The following ADAMTSL1 variants were observed in gnomAD, a reference collection of about 807,000 sequenced individuals.
The protein encoded by ADAMTSL1 is ADAMTS-like protein 1.
A neutral mutation model predicts 201.8 loss-of-function variants in ADAMTSL1; 126 were observed. The ratio of observed to expected loss-of-function variants is 0.62; its 90% CI spans 0.54 to 0.72. ADAMTSL1 has a LOEUF of 0.72. ADAMTSL1 is among the 30% of genes least tolerant of loss of function. The probability of loss-of-function intolerance (pLI) is 0.00; values close to 1 mark genes in which losing one functional copy is unlikely to be tolerated. For synonymous variants in ADAMTSL1, 1,121 were observed against 903.4 expected (o/e 1.24, Z -4.32); for missense variants, 2,679 against 2,277.8 (o/e 1.18, Z -3.59).
intron 23 of ADAMTSL1, among the ~76,000 whole-genome samples, chr9:18,884,062 C>G (rs980218041): frequency 2.0e-5 from 3 of 152,110 alleles, no homozygotes; most frequent in Non-Finnish European, 4.4e-5. Context: ...AATTTTTTCA[C>G]ATATTTGCAA....
intron 1 of ADAMTSL1, among the ~76,000 whole-genome samples, chr9:17,995,738 A>T (rs1041061543): frequency 6.6e-6 from 1 of 151,854 alleles, no homozygotes; most frequent in African/African-American, 2.4e-5. Context: ...ATACATTTAT[A>T]ATTAGTATTT....
chr9:18,721,519 G>A lies in ADAMTSL1; in HGVS notation c.1877-17G>A, dbSNP rs150627866. On this transcript the variant is annotated splice_polypyrimidine_tract_variant and intron_variant, in intron 14 of 28. Transcript: ENST00000380548. ...ACCCACTTTGCACTCTGGCCTGACC[G>A]TGTGATTTGTACACAGGTGTCCAGG... The A allele has an allele frequency of 3.1e-4, 496 of 1,613,098 alleles. 2 individuals are homozygous for A. In the African/African-American group the frequency reaches 5.3e-3, roughly 17 times the overall value.
At chr9:18,355,650 C>G (rs919997862) in intron 2 of ADAMTSL1, among the ~76,000 whole-genome samples, 12 of 152,180 alleles carry the variant, frequency 7.9e-5, no homozygotes, top group African/African-American at 2.9e-4. Context: ...TTAGATTAAT[C>G]TTAGTTTCTT....
At chr9:18,708,571 G>A (rs569979094) in intron 14 of ADAMTSL1, among the ~76,000 whole-genome samples, 1 of 152,342 alleles carries the variant, frequency 6.6e-6, no homozygotes, top group African/African-American at 2.4e-5. Flanking sequence ...AGCCTGGGCA[G>A]GAGCTGAGAG....
intron 11 of ADAMTSL1, 114 bp from the exon 12 acceptor site, chr9:18,681,698 G>GT (rs66675938): frequency 0.066 from 20,898 of 317,854 alleles, 490 homozygotes; most frequent in Middle Eastern, 0.069. Context: ...GTCCTCGTGT[G>GT]GGGGGGGGGG....
intron 4 of ADAMTSL1, among the ~76,000 whole-genome samples, chr9:18,588,130 C>A (rs1823636630): frequency 6.6e-6 from 1 of 152,140 alleles, no homozygotes; most frequent in African/African-American, 2.4e-5. Flanking sequence ...TCCTCACCAG[C>A]ATTTGCTATT....
chr9:18,153,063 A>G (rs2132051441), intron 1 of ADAMTSL1, among the ~76,000 whole-genome samples: 1 of 152,114 alleles, frequency 6.6e-6, no homozygotes. Flanking sequence ...AAAAGCCGTC[A>G]TATATTTTGT....
chr9:18,673,033 A>T (rs1432027456), intron 9 of ADAMTSL1, among the ~76,000 whole-genome samples: 1 of 152,076 alleles, frequency 6.6e-6, no homozygotes, highest in African/African-American at 2.4e-5. Flanking sequence ...CCCCAAGCCA[A>T]CTGTTTCTTC....
At chr9:18,254,724 G>C (rs1831616555) in intron 2 of ADAMTSL1, among the ~76,000 whole-genome samples, 1 of 145,410 alleles carries the variant, frequency 6.9e-6, no homozygotes, top group African/African-American at 2.6e-5. Context: ...GGGAAGAAGA[G>C]AATTGTGAGT....
chr9:17,950,293 G>C (rs940669341), intron 1 of ADAMTSL1, among the ~76,000 whole-genome samples: 2 of 151,938 alleles, frequency 1.3e-5, no homozygotes, highest in African/African-American at 4.8e-5. Flanking sequence ...CAGTGCAATA[G>C]TACTAGAAAA....
chr9:18,396,653 C>A (rs1057179761), intron 2 of ADAMTSL1, among the ~76,000 whole-genome samples: 2 of 150,894 alleles, frequency 1.3e-5, no homozygotes, highest in Non-Finnish European at 3.0e-5. Context: ...AAATAGAGTA[C>A]CAGCCTTTAT....
intron 23 of ADAMTSL1, among the ~76,000 whole-genome samples, chr9:18,850,232 C>T (rs1285664177): frequency 6.6e-6 from 1 of 152,178 alleles, no homozygotes; most frequent in East Asian, 1.9e-4. Flanking sequence ...GGCCCATGTG[C>T]CCTCCCTGCC....
intron 1 of ADAMTSL1, among the ~76,000 whole-genome samples, chr9:18,068,596 G>T (rs976679770): frequency 5.3e-5 from 8 of 152,186 alleles, no homozygotes; most frequent in Non-Finnish European, 7.4e-5. Flanking sequence ...TCAACCCAGG[G>T]TTCCTAAAGG....
At position 18,626,851 on chromosome 9, in the gene ADAMTSL1, C is replaced by G. The variant is rs542686707; in HGVS notation, c.601+4482C>G. Among the ~76,000 whole-genome samples the G allele has an allele frequency of 5.3e-5, 7 of 132,700 alleles. No individual in the cohort carries two copies. The East Asian group carries it at 1.5e-3, about 28-fold the overall frequency. 87.1% of individuals were successfully genotyped at this position (132,700 alleles called of 152,430 possible). Reference sequence around the variant, plus strand: ...TTTCTTACTTTCTTTTTCTTTCTTTCTTTCTTTCTTTCTTTCTGTCTTTCT... The same window carrying G: ...TTTCTTACTTTCTTTTTCTTTCTTTGTTTCTTTCTTTCTTTCTGTCTTTCT... On this transcript the variant is annotated intron_variant, in intron 5 of 28. Coordinates refer to ENST00000380548, the MANE Select transcript of ADAMTSL1 (RefSeq NM_001040272.6).
intron 15 of ADAMTSL1, among the ~76,000 whole-genome samples, chr9:18,740,128 T>G (rs1588022269): frequency 1.3e-5 from 2 of 152,182 alleles, no homozygotes; most frequent in East Asian, 1.9e-4. Context: ...GAGGGCCTAC[T>G]TGAAGCAACA....
At chr9:18,167,954 A>G (rs745607566) in intron 2 of ADAMTSL1, among the ~76,000 whole-genome samples, 3 of 152,028 alleles carry the variant, frequency 2.0e-5, no homozygotes, top group Non-Finnish European at 4.4e-5. Context: ...CATTCCTGAC[A>G]GAATGTTTAG....
intron 1 of ADAMTSL1, among the ~76,000 whole-genome samples, chr9:17,923,431 G>A (rs532363994): frequency 3.4e-4 from 50 of 147,432 alleles, no homozygotes; most frequent in Middle Eastern, 3.6e-3. Flanking sequence ...CTCATGATTT[G>A]GCTCTCTGTT....
intron 2 of ADAMTSL1, among the ~76,000 whole-genome samples, chr9:18,447,878 CA>C (rs1241345311): frequency 1.3e-5 from 2 of 152,200 alleles, no homozygotes; most frequent in Admixed American, 1.3e-4. Context: ...TAAAAAATTG[CA>C]GGTGTCGAGC....
At chr9:18,681,697 T>TGTGTTGAGA in intron 11 of ADAMTSL1, 115 bp from the exon 12 acceptor site, 1 of 238,092 alleles carries the variant, frequency 4.2e-6, no homozygotes, top group Non-Finnish European at 6.6e-6. Context: ...AGTCCTCGTG[T>TGTGTTGAGA]GGGGGGGGGG....
Sources: allele counts gnomAD v4.1 joint callset (sites outside exome capture counted in the v4.1 genomes callset), GRCh38; gene constraint gnomAD v4.1.1; transcripts MANE v1.5; gene names NCBI Gene and HGNC (gene_info 2026-07-23, HGNC 2026-07-21).